ROBO1: variants seen among roughly 807,000 people sequenced by gnomAD.
ROBO1 encodes roundabout homolog 1.
A neutral mutation model predicts 195.9 loss-of-function variants in ROBO1; 149 were observed. That is an observed-to-expected ratio of 0.76 (90% CI 0.67 to 0.87). ROBO1 has a LOEUF of 0.87. Among genes scored for constraint, ROBO1 ranks in the 40% least tolerant of loss-of-function variants. The pLI, the probability that ROBO1 is intolerant of heterozygous loss-of-function variation, is 0.00. For missense variants in ROBO1, 1,933 were observed against 2,068.3 expected (o/e 0.93, Z 1.27); for synonymous variants, 816 against 733.2 (o/e 1.11, Z -1.82).
Position 79,498,864 on chromosome 3 carries a change from A to G in ROBO1, c.88+90960T>C, listed in dbSNP as rs1481614771. On this transcript the variant is annotated intron_variant, in intron 2 of 30. Transcript: ENST00000464233. Reference sequence around the variant, plus strand: ...TTTCACCTTTGCCTCAGAAAAAAAGAAAAAAAAAAGATTTGTGATTCCACT... The same window carrying G: ...TTTCACCTTTGCCTCAGAAAAAAAGGAAAAAAAAAGATTTGTGATTCCACT... 2.0e-5 allele frequency among the ~76,000 whole-genome samples: 3 copies of G among 150,100 alleles called. No individual in the cohort carries two copies. In the East Asian group the frequency reaches 5.8e-4, roughly 29 times the overall value.
chr3:78,788,265 G>A (rs1412223748), intron 4 of ROBO1, among the ~76,000 whole-genome samples: 1 of 149,042 alleles, frequency 6.7e-6, no homozygotes, highest in African/African-American at 2.5e-5. Flanking sequence ...AAAGGCGCCC[G>A]CCACCACGCC....
intron 4 of ROBO1, among the ~76,000 whole-genome samples, chr3:78,886,615 C>T (rs552060288): frequency 6.6e-6 from 1 of 151,274 alleles, no homozygotes; most frequent in East Asian, 1.9e-4. Context: ...AAATTGTACT[C>T]TGCACTTGTA....
At chr3:78,693,073 T>A (rs1390248889) in intron 8 of ROBO1, 2 of 373,074 alleles carry the variant, frequency 5.4e-6, no homozygotes, top group Non-Finnish European at 9.6e-6. Context: ...ATCCTATCAC[T>A]TATTTCAGGA....
At chr3:78,632,063 G>C (rs1031929470) in intron 24 of ROBO1, among the ~76,000 whole-genome samples, 1 of 151,852 alleles carries the variant, frequency 6.6e-6, no homozygotes, top group Non-Finnish European at 1.5e-5. Context: ...AAAACTTTAG[G>C]TCAACAAATA....
chr3:79,647,881 T>A (rs891504319), intron 1 of ROBO1, among the ~76,000 whole-genome samples: 2 of 152,128 alleles, frequency 1.3e-5, no homozygotes, highest in African/African-American at 4.8e-5. Context: ...ATAGATTGTC[T>A]TACTTGTTTT....
chr3:79,019,773 T>C (rs1239129402), intron 3 of ROBO1, among the ~76,000 whole-genome samples: 1 of 151,984 alleles, frequency 6.6e-6, no homozygotes, highest in Non-Finnish European at 1.5e-5. Flanking sequence ...TCAAAAATCC[T>C]CCTGGTCCAA....
chr3:79,072,613 G>A (rs2079107616), intron 3 of ROBO1, among the ~76,000 whole-genome samples: 1 of 151,936 alleles, frequency 6.6e-6, no homozygotes. Context: ...TTTAAAGTCT[G>A]AGGATGTGGA....
chr3:78,959,787 T>A (rs1188328444), intron 3 of ROBO1, among the ~76,000 whole-genome samples: 1 of 152,166 alleles, frequency 6.6e-6, no homozygotes, highest in Non-Finnish European at 1.5e-5. Flanking sequence ...GCAAGATCTG[T>A]GACAATATAG....
chr3:78,675,643 G>A (rs1274700291), intron 10 of ROBO1, among the ~76,000 whole-genome samples: 1 of 152,194 alleles, frequency 6.6e-6, no homozygotes, highest in Non-Finnish European at 1.5e-5. Context: ...CGAGTTAGTT[G>A]TTTGATTAGG....
intron 2 of ROBO1, among the ~76,000 whole-genome samples, chr3:79,293,951 G>C (rs868331015): frequency 4.6e-4 from 68 of 149,286 alleles, no homozygotes; most frequent in Non-Finnish European, 8.6e-4. Context: ...CCAGCTACTC[G>C]GGAGGCTGAG....
chr3:79,535,784 A>G (rs1298665075), intron 2 of ROBO1, among the ~76,000 whole-genome samples: 1 of 100,376 alleles, frequency 1.0e-5, no homozygotes, highest in Non-Finnish European at 2.3e-5. Flanking sequence ...TTGACCATCA[A>G]AGAAAGTTAC....
chr3:78,881,473 G>A (rs1446168140), intron 4 of ROBO1, among the ~76,000 whole-genome samples: 1 of 152,012 alleles, frequency 6.6e-6, no homozygotes, highest in Non-Finnish European at 1.5e-5. Flanking sequence ...CACAAAAATT[G>A]CAAACAGCAA....
intron 4 of ROBO1, among the ~76,000 whole-genome samples, chr3:78,776,152 G>A (rs1360226069): frequency 6.6e-6 from 1 of 151,976 alleles, no homozygotes; most frequent in Admixed American, 6.6e-5. Context: ...TAGTTTTAAG[G>A]GAATAGTAGA....
intron 2 of ROBO1, among the ~76,000 whole-genome samples, chr3:79,511,111 CT>C (rs1350473727): frequency 2.0e-5 from 3 of 152,136 alleles, no homozygotes; most frequent in Non-Finnish European, 4.4e-5. Flanking sequence ...TTGTTAGAGC[CT>C]TCATATTATA....
At chr3:78,983,962 C>T (rs912900403) in intron 3 of ROBO1, among the ~76,000 whole-genome samples, 5 of 152,056 alleles carry the variant, frequency 3.3e-5, no homozygotes, top group African/African-American at 7.2e-5. Context: ...TGGCAAAGTC[C>T]AATAAGGTGA....
chr3:78,634,883 A>G (rs947251031), intron 23 of ROBO1, among the ~76,000 whole-genome samples: 1 of 152,160 alleles, frequency 6.6e-6, no homozygotes, highest in African/African-American at 2.4e-5. Context: ...GTCATCTTCA[A>G]CTGTGATAAA....
chr3:79,062,957 T>C (rs1225969080), intron 3 of ROBO1, among the ~76,000 whole-genome samples: 2 of 151,960 alleles, frequency 1.3e-5, no homozygotes, highest in African/African-American at 4.8e-5. Context: ...GTTCTGCACA[T>C]GTACCCTAGA....
rs371532663 is a variant in ROBO1 at position 79,650,087 on chromosome 3, A to C, written c.-50-60126T>G. Among the ~76,000 whole-genome samples the C allele has an allele frequency of 7.9e-5, 12 of 152,190 alleles. No homozygotes were observed. In the East Asian group the frequency reaches 1.4e-3, roughly 17 times the overall value. On this transcript the variant is annotated intron_variant, in intron 1 of 30. Coordinates refer to ENST00000464233, the MANE Select transcript of ROBO1 (RefSeq NM_002941.4). ...ATAAATGAGGAGGAAGAAAATAATT[A>C]AGATGAAAATATAATTGAGAACAAA...
chr3:79,368,137 T>A (rs1417511857), intron 2 of ROBO1, among the ~76,000 whole-genome samples: 1 of 152,130 alleles, frequency 6.6e-6, no homozygotes, highest in East Asian at 1.9e-4. Context: ...TTCATTGTGT[T>A]GGCCAGGCTG....
Sources: allele counts gnomAD v4.1 joint callset (sites outside exome capture counted in the v4.1 genomes callset), GRCh38; gene constraint gnomAD v4.1.1; transcripts MANE v1.5; gene names NCBI Gene and HGNC (gene_info 2026-07-23, HGNC 2026-07-21).